FHIT: variants seen among roughly 807,000 people sequenced by gnomAD.
FHIT encodes fragile histidine triad diadenosine triphosphatase, also known as bis(5'-adenosyl)-triphosphatase.
A neutral mutation model predicts 17.9 loss-of-function variants in FHIT; 19 were observed. The observed-to-expected ratio is 1.06, with a 90% confidence interval of 0.74 to 1.56. The LOEUF (loss-of-function observed/expected upper bound fraction) is 1.56. FHIT is among the 40% of genes most tolerant of loss of function. The pLI is 0.00. For synonymous variants in FHIT, 81 were observed against 69.7 expected (o/e 1.16, Z -0.81); for missense variants, 248 against 189.2 (o/e 1.31, Z -1.82).
At chr3:60,217,797 A>T (rs1466663408) in intron 5 of FHIT, among the ~76,000 whole-genome samples, 2 of 152,268 alleles carry the variant, frequency 1.3e-5, no homozygotes, top group Non-Finnish European at 2.9e-5. Flanking sequence ...CCTCCTGCCC[A>T]TGGTTCAGAT....
intron 4 of FHIT, among the ~76,000 whole-genome samples, chr3:60,629,148 G>A (rs918428517): frequency 2.6e-5 from 4 of 152,116 alleles, no homozygotes; most frequent in Non-Finnish European, 5.9e-5. Flanking sequence ...CAGAGGGAAT[G>A]AGAAATTCTA....
At chr3:59,977,971 G>C (rs901230580) in intron 7 of FHIT, among the ~76,000 whole-genome samples, 1 of 152,134 alleles carries the variant, frequency 6.6e-6, no homozygotes, top group African/African-American at 2.4e-5. Flanking sequence ...TGTTTGTGAA[G>C]ACTCTCATCA....
At chr3:59,749,733 T>TTACAA (rs1281901667) in intron 9 of FHIT, 154 bp from the exon 10 acceptor site, 2 of 229,416 alleles carry the variant, frequency 8.7e-6, no homozygotes, top group Non-Finnish European at 1.7e-5. Flanking sequence ...TAATGCTTAA[T>TTACAA]TACAACTATA....
intron 2 of FHIT, among the ~76,000 whole-genome samples, chr3:61,128,301 T>C (rs150522410): frequency 3.0e-4 from 45 of 152,344 alleles, no homozygotes; most frequent in African/African-American, 1.1e-3. Context: ...TGACTTATTG[T>C]AGGACCAGGC....
chr3:60,059,480 G>A (rs955045624), intron 5 of FHIT, among the ~76,000 whole-genome samples: 3 of 152,096 alleles, frequency 2.0e-5, no homozygotes, highest in Non-Finnish European at 4.4e-5. Flanking sequence ...CACGTCAAAA[G>A]GTCAAACGTT....
intron 1 of FHIT, among the ~76,000 whole-genome samples, chr3:61,225,048 C>T (rs1011652826): frequency 1.3e-5 from 2 of 152,128 alleles, no homozygotes; most frequent in Non-Finnish European, 2.9e-5. Flanking sequence ...GGCATGTAAG[C>T]GGCAGAGTTT....
At chr3:60,562,262 AACAG>A (rs1487880914) in intron 4 of FHIT, among the ~76,000 whole-genome samples, 1 of 152,220 alleles carries the variant, frequency 6.6e-6, no homozygotes, top group Non-Finnish European at 1.5e-5. Flanking sequence ...CAGTGAACAA[AACAG>A]ACAGTCTCTA....
chr3:60,031,027 G>C (rs1455775148), intron 5 of FHIT, among the ~76,000 whole-genome samples: 1 of 152,128 alleles, frequency 6.6e-6, no homozygotes, highest in Non-Finnish European at 1.5e-5. Flanking sequence ...GATCTCCCCT[G>C]GTCCAGTCCA....
At chr3:60,089,435 T>C (rs749430062) in intron 5 of FHIT, among the ~76,000 whole-genome samples, 41 of 152,120 alleles carry the variant, frequency 2.7e-4, no homozygotes, top group Non-Finnish European at 4.4e-4. Flanking sequence ...TAGATGAAGC[T>C]CAACAAATGT....
chr3:60,066,635 T>A (rs1338836931), intron 5 of FHIT, among the ~76,000 whole-genome samples: 1 of 13,844 alleles, frequency 7.2e-5, no homozygotes. Flanking sequence ...GACAAATTTT[T>A]TTTTTTTTTT....
intron 8 of FHIT, among the ~76,000 whole-genome samples, chr3:59,768,496 C>G (rs372015830): frequency 2.1e-4 from 32 of 152,294 alleles, no homozygotes; most frequent in African/African-American, 6.0e-4. Context: ...AGGTGGCCCT[C>G]CAAGATGGTT....
intron 8 of FHIT, among the ~76,000 whole-genome samples, chr3:59,791,363 C>G (rs1373084640): frequency 6.6e-6 from 1 of 152,132 alleles, no homozygotes; most frequent in Non-Finnish European, 1.5e-5. Context: ...CTACCATAAG[C>G]TAGTAGGATG....
intron 2 of FHIT, among the ~76,000 whole-genome samples, chr3:61,195,949 A>C (rs936765875): frequency 6.6e-6 from 1 of 152,218 alleles, no homozygotes; most frequent in African/African-American, 2.4e-5. Context: ...TTTTATATTA[A>C]AGAAAACATA....
At chr3:60,887,364 G>C (rs1291761521) in intron 3 of FHIT, among the ~76,000 whole-genome samples, 1 of 152,182 alleles carries the variant, frequency 6.6e-6, no homozygotes, top group Non-Finnish European at 1.5e-5. Context: ...AAATAGTAGA[G>C]CCAGACACGG....
chr3:61,085,964 G>A (rs903712456), intron 2 of FHIT, among the ~76,000 whole-genome samples: 2 of 152,054 alleles, frequency 1.3e-5, no homozygotes, highest in African/African-American at 4.8e-5. Context: ...CTGGTACGTA[G>A]AAATACAATT....
chr3:60,680,245 T>C (rs1291458715), intron 4 of FHIT, among the ~76,000 whole-genome samples: 2 of 152,190 alleles, frequency 1.3e-5, no homozygotes, highest in Non-Finnish European at 2.9e-5. Flanking sequence ...TTTTGACAAT[T>C]GGATAGATGT....
At chr3:59,810,562 G>A (rs893440336) in intron 8 of FHIT, among the ~76,000 whole-genome samples, 4 of 152,116 alleles carry the variant, frequency 2.6e-5, no homozygotes, top group African/African-American at 7.2e-5. Flanking sequence ...TTGGCTGGCT[G>A]GGGCACTCAG....
chr3:60,002,191 A>G (rs1271621833), intron 7 of FHIT, among the ~76,000 whole-genome samples: 1 of 152,160 alleles, frequency 6.6e-6, no homozygotes, highest in Non-Finnish European at 1.5e-5. Context: ...AAAAGAATAA[A>G]CTACCAGGGA....
At chr3:60,230,529 G>A (rs996768401) in intron 5 of FHIT, among the ~76,000 whole-genome samples, 1 of 152,148 alleles carries the variant, frequency 6.6e-6, no homozygotes, top group East Asian at 1.9e-4. Flanking sequence ...AGATAGCATA[G>A]GCAAACAGAT....
Sources: gnomAD v4.1 joint callset for allele counts (sites outside exome capture counted in the v4.1 genomes callset) on GRCh38, gnomAD v4.1.1 for gene constraint, MANE v1.5 for transcripts, NCBI Gene and HGNC (gene_info 2026-07-23, HGNC 2026-07-21) for gene names.